PLPPR1: variants seen among roughly 807,000 people sequenced by gnomAD.
PLPPR1 encodes the protein phospholipid phosphatase related 1.
PLPPR1 carries 10 observed loss-of-function variants against 33.1 expected under a neutral mutation model. The ratio of observed to expected loss-of-function variants is 0.30; its 90% CI spans 0.19 to 0.51. PLPPR1 has a LOEUF of 0.51. Ranked by LOEUF, PLPPR1 falls within the 20% of genes least tolerant of loss-of-function variation. The probability of loss-of-function intolerance (pLI) is 0.97; values close to 1 mark genes in which losing one functional copy is unlikely to be tolerated. For missense variants in PLPPR1, 304 were observed against 408.1 expected (o/e 0.74, Z 2.20); for synonymous variants, 151 against 151.0 (o/e 1.00, Z 0.00).
chr9:101,099,925 A>G (rs570329984), intron 1 of PLPPR1, among the ~76,000 whole-genome samples: 4 of 152,246 alleles, frequency 2.6e-5, no homozygotes, highest in African/African-American at 9.6e-5. Context: ...ACTAATGTCC[A>G]ATAATAAATT....
intron 1 of PLPPR1, among the ~76,000 whole-genome samples, chr9:101,150,052 G>A (rs1277268387): frequency 6.6e-6 from 1 of 151,834 alleles, no homozygotes; most frequent in Non-Finnish European, 1.5e-5. Context: ...TTTCAGTTGT[G>A]TTTATTTTAT....
intron 1 of PLPPR1, among the ~76,000 whole-genome samples, chr9:101,075,024 A>C (rs1404806130): frequency 1.3e-5 from 2 of 152,204 alleles, no homozygotes; most frequent in Non-Finnish European, 2.9e-5. Flanking sequence ...TTCATGGACA[A>C]CAGTTGCGGG....
chr9:101,227,993 G>T (rs1432877644), intron 2 of PLPPR1, among the ~76,000 whole-genome samples: 3 of 152,078 alleles, frequency 2.0e-5, no homozygotes, highest in Non-Finnish European at 2.9e-5. Context: ...TGGCCAGGCT[G>T]GTCTAGAACT....
At chr9:101,270,962 T>G (rs1828087303) in intron 3 of PLPPR1, among the ~76,000 whole-genome samples, 1 of 152,158 alleles carries the variant, frequency 6.6e-6, no homozygotes, top group Admixed American at 6.5e-5. Context: ...CCGAGGAATA[T>G]AGCAATTGCT....
intron 4 of PLPPR1, among the ~76,000 whole-genome samples, chr9:101,288,715 C>T (rs1828439526): frequency 6.6e-6 from 1 of 152,106 alleles, no homozygotes; most frequent in Non-Finnish European, 1.5e-5. Context: ...TCATTCTATA[C>T]CTGCTAAATC....
At chr9:101,322,222 A>T (rs1193979485) in intron 7 of PLPPR1, among the ~76,000 whole-genome samples, 1 of 147,126 alleles carries the variant, frequency 6.8e-6, no homozygotes, top group African/African-American at 2.5e-5. Context: ...AAAAAAAAAA[A>T]AAAAAAGACA....
At chr9:101,311,321 G>A (rs182837361) in intron 5 of PLPPR1, among the ~76,000 whole-genome samples, 12 of 152,256 alleles carry the variant, frequency 7.9e-5, no homozygotes, top group African/African-American at 2.9e-4. Flanking sequence ...ACAGACTATA[G>A]TCAGATAAAC....
At chr9:101,053,422 C>A (rs1255468543) in intron 1 of PLPPR1, among the ~76,000 whole-genome samples, 1 of 152,202 alleles carries the variant, frequency 6.6e-6, no homozygotes, top group Non-Finnish European at 1.5e-5. Context: ...TGTCCACTGT[C>A]AACTCTTCTA....
At chr9:101,055,805 T>C (rs933593503) in intron 1 of PLPPR1, among the ~76,000 whole-genome samples, 1 of 152,162 alleles carries the variant, frequency 6.6e-6, no homozygotes, top group African/African-American at 2.4e-5. Context: ...GATGGAGAGG[T>C]ACAGTGAATA....
intron 1 of PLPPR1, among the ~76,000 whole-genome samples, chr9:101,061,117 T>G (rs995923026): frequency 4.6e-5 from 7 of 151,920 alleles, no homozygotes; most frequent in African/African-American, 1.7e-4. Context: ...TGGGCCTGCA[T>G]GTCTTTGAGG....
chr9:101,314,713 T>A (rs1187842903), intron 6 of PLPPR1, among the ~76,000 whole-genome samples: 1 of 150,246 alleles, frequency 6.7e-6, no homozygotes, highest in Non-Finnish European at 1.5e-5. Context: ...ATGGTGCCAA[T>A]AGACTTGCTG....
At chr9:101,030,327 G>A (rs11999302) in intron 1 of PLPPR1, among the ~76,000 whole-genome samples, 5,187 of 150,778 alleles carry the variant, frequency 0.034, 301 homozygotes, top group African/African-American at 0.12. Context: ...GCAGGAAGAG[G>A]TTGACTGGAG....
rs781184153 is a variant in PLPPR1 at position 101,286,146 on chromosome 9, A to G, written c.295A>G (p.Arg99Gly). 6.2e-7 allele frequency: 1 copy of G among 1,612,994 alleles called. No individual in the cohort carries two copies. Among genetic ancestry groups the G allele is most frequent in the South Asian group, 1.1e-5 (1 of 91,042 alleles). Residue 99 changes from arginine (R) to glycine (G), a missense_variant, in exon 4 of 8, where the codon AGA (arginine) becomes GGA (glycine). Arg to Gly is a moderately radical substitution (Grantham distance 125). Coordinates refer to ENST00000374874, the MANE Select transcript of PLPPR1 (RefSeq NM_207299.2). ...ATCCATGTATTTCATAAAATCAACA[A>G]GAGAATCCCTGATTGCTCAGGAGAA... ...EISMYFIKST[R>G]ESLIAQEKTI...
chr9:101,163,911 G>A lies in PLPPR1; in HGVS notation c.-45-21539G>A, dbSNP rs537744378. 1.1e-4 allele frequency among the ~76,000 whole-genome samples: 16 copies of A among 152,244 alleles called. No homozygotes were observed. The South Asian group carries it at 3.3e-3, about 32-fold the overall frequency. On this transcript the variant is annotated intron_variant, in intron 1 of 7. Transcript: ENST00000374874. ...TCAATGACATAGGAAAGAAGAGCAGGTCTCCTAAATATCGTCATTGAATGT... is the reference window on the plus strand; with the variant it reads ...TCAATGACATAGGAAAGAAGAGCAGATCTCCTAAATATCGTCATTGAATGT...
At chr9:101,305,621 C>T (rs1017667629) in intron 4 of PLPPR1, among the ~76,000 whole-genome samples, 3 of 152,162 alleles carry the variant, frequency 2.0e-5, no homozygotes, top group African/African-American at 7.2e-5. Flanking sequence ...TGAAGGTCTG[C>T]TGTGTGGACA....
chr9:101,082,305 TAG>T (rs1244520653), intron 1 of PLPPR1, among the ~76,000 whole-genome samples: 1 of 152,210 alleles, frequency 6.6e-6, no homozygotes, highest in Non-Finnish European at 1.5e-5. Context: ...TCTCTCATAT[TAG>T]TTACAACATT....
chr9:101,108,393 G>A (rs1332541291), intron 1 of PLPPR1, among the ~76,000 whole-genome samples: 2 of 152,218 alleles, frequency 1.3e-5, no homozygotes, highest in African/African-American at 2.4e-5. Context: ...CCCAGTAGGT[G>A]CTCAATAGAT....
At chr9:101,043,407 G>T (rs1232858290) in intron 1 of PLPPR1, among the ~76,000 whole-genome samples, 1 of 150,148 alleles carries the variant, frequency 6.7e-6, no homozygotes, top group Non-Finnish European at 1.5e-5. Flanking sequence ...ATATACATAT[G>T]TATGTGTGTA....
chr9:101,280,372 A>G (rs1390236818), intron 3 of PLPPR1, among the ~76,000 whole-genome samples: 3 of 152,164 alleles, frequency 2.0e-5, no homozygotes, highest in African/African-American at 7.2e-5. Flanking sequence ...AAGAAGAACT[A>G]ATACCAATTT....
Sources: gnomAD v4.1 joint callset for allele counts (sites outside exome capture counted in the v4.1 genomes callset) on GRCh38, gnomAD v4.1.1 for gene constraint, MANE v1.5 for transcripts, NCBI Gene and HGNC (gene_info 2026-07-23, HGNC 2026-07-21) for gene names.